Variants in CEMIP2 observed in about 807,000 individuals in gnomAD.
The protein encoded by CEMIP2 is cell migration inducing hyaluronidase 2, also known as cell surface hyaluronidase CEMIP2.
CEMIP2 carries 79 observed loss-of-function variants against 146.9 expected under a neutral mutation model. The observed-to-expected ratio is 0.54, with a 90% CI of 0.45 to 0.65. The LOEUF (loss-of-function observed/expected upper bound fraction) is 0.65. Among genes scored for constraint, CEMIP2 ranks in the 30% least tolerant of loss-of-function variants. The probability of loss-of-function intolerance (pLI) is 0.00; values close to 1 mark genes in which losing one functional copy is unlikely to be tolerated. For missense variants in CEMIP2, 1,596 were observed against 1,696.2 expected (o/e 0.94, Z 1.04); for synonymous variants, 601 against 606.3 (o/e 0.99, Z 0.13).
At chr9:71,709,781 T>G (rs1822853724) in intron 16 of CEMIP2, among the ~76,000 whole-genome samples, 1 of 152,160 alleles carries the variant, frequency 6.6e-6, no homozygotes, top group South Asian at 2.1e-4. Context: ...CAGACAAAAC[T>G]CATTTGTGGG....
rs752127248 is a variant in CEMIP2, at chr9:71,734,828, G to A, written c.1371C>T (p.Ser457=). 1.3e-5 allele frequency: 21 copies of A among 1,609,020 alleles called. 1 individual carries two copies. The South Asian group carries it at 2.3e-4, about 18-fold the overall frequency. The change falls in exon 6 of 24, where the codon AGC becomes AGT. Residue 457 remains serine (S), a synonymous_variant. Transcript: ENST00000377044. ...TACCTTTGACTTTGACCTGAAAATG[G>A]CTGCATTCAGAACAGGGAAGAAGAG... The part of the protein sequence containing the change: ...EFTLLPCSEC[S]HFQVKVKETP...
At chr9:71,705,500 T>C (rs952361838) in intron 17 of CEMIP2, among the ~76,000 whole-genome samples, 1 of 152,126 alleles carries the variant, frequency 6.6e-6, no homozygotes, top group Non-Finnish European at 1.5e-5. Flanking sequence ...CTCCAGAATA[T>C]TAAAGCAGCA....
At chr9:71,697,916 T>C (rs1034224158) in intron 20 of CEMIP2, 69 bp downstream of exon 20, 12 of 1,470,958 alleles carry the variant, frequency 8.2e-6, no homozygotes, top group African/African-American at 1.4e-5. Flanking sequence ...CAAAGAAAAG[T>C]GCTCCTATTG....
intron 19 of CEMIP2, 98 bp downstream of exon 19, chr9:71,700,544 C>T: frequency 2.4e-6 from 3 of 1,246,586 alleles, no homozygotes; most frequent in Non-Finnish European, 3.4e-6. Context: ...TTACCCACAT[C>T]AGCTGCTTCA....
chr9:71,725,507 T>G (rs1823356449), intron 11 of CEMIP2, 74 bp downstream of exon 11: 7 of 1,484,630 alleles, frequency 4.7e-6, no homozygotes, highest in Non-Finnish European at 5.5e-6. Context: ...CAAAGTGGAC[T>G]AAAATATAAT....
At chr9:71,754,473 T>C (rs888866765) in intron 1 of CEMIP2, among the ~76,000 whole-genome samples, 7 of 152,212 alleles carry the variant, frequency 4.6e-5, no homozygotes, top group African/African-American at 1.7e-4. Flanking sequence ...ACTCAGTTTG[T>C]ATCACATGTT....
At chr9:71,755,236 C>G (rs565776363) in intron 1 of CEMIP2, among the ~76,000 whole-genome samples, 1 of 141,608 alleles carries the variant, frequency 7.1e-6, no homozygotes, top group Non-Finnish European at 1.5e-5. Context: ...TTTGGCCAAG[C>G]AAGGTGGCTC....
intron 1 of CEMIP2, among the ~76,000 whole-genome samples, chr9:71,753,107 C>T (rs568879579): frequency 4.7e-4 from 71 of 152,284 alleles, no homozygotes; most frequent in African/African-American, 1.7e-3. Context: ...ATGATCCTCT[C>T]TGAACAAAGA....
intron 22 of CEMIP2, chr9:71,686,650 G>A (rs138639897): frequency 6.6e-6 from 1 of 152,126 alleles, no homozygotes; most frequent in African/African-American, 2.4e-5. Context: ...ATAGTCTATT[G>A]TTGTTGTTGT....
chr9:71,725,420 A>G (rs1564010525), intron 11 of CEMIP2, among the ~76,000 whole-genome samples, 161 bp downstream of exon 11: 1 of 152,206 alleles, frequency 6.6e-6, no homozygotes, highest in African/African-American at 2.4e-5. Context: ...TGGACTTCCC[A>G]GCCTTCAGAA....
chr9:71,740,973 C>T (rs1823896495), intron 4 of CEMIP2, among the ~76,000 whole-genome samples: 1 of 152,106 alleles, frequency 6.6e-6, no homozygotes, highest in Non-Finnish European at 1.5e-5. Flanking sequence ...CAGGTTACCA[C>T]ATTATGTTAA....
At chr9:71,688,768 C>A (rs550675261) in intron 22 of CEMIP2, among the ~76,000 whole-genome samples, 1 of 152,250 alleles carries the variant, frequency 6.6e-6, no homozygotes, top group South Asian at 2.1e-4. Flanking sequence ...GCAGACCTGA[C>A]CTTCTTCAAT....
In CEMIP2 at chr9:71,712,188, A is replaced by G. The variant is rs746676185; in HGVS notation, c.2664T>C (p.Tyr888=). Reference sequence around the variant, plus strand: ...TGCTGTACCTATCTGGAGTTGGCACATATTTTTTGAAAGTGCTCCTTGTGA... The same window carrying G: ...TGCTGTACCTATCTGGAGTTGGCACGTATTTTTTGAAAGTGCTCCTTGTGA... ...IHLTRSTFKK[Y]VPTPDRYSSA... is the part of the protein sequence containing the mutation. The change falls in exon 16 of 24, where the codon TAT becomes TAC. Residue 888 remains tyrosine (Y), a synonymous_variant. Coordinates refer to ENST00000377044, the MANE Select transcript of CEMIP2 (RefSeq NM_013390.3). 1.2e-5 allele frequency: 19 copies of G among 1,614,078 alleles called. No individual in the cohort carries two copies. The highest frequency in any genetic ancestry group is 1.6e-5 in the Non-Finnish European group (19 of 1,180,018).
At chr9:71,752,520 G>A (rs960458735) in intron 1 of CEMIP2, among the ~76,000 whole-genome samples, 1 of 151,400 alleles carries the variant, frequency 6.6e-6, no homozygotes, top group African/African-American at 2.4e-5. Context: ...GGAAGGGGAA[G>A]TGGAAGAGTT....
Position 71,694,605 on chromosome 9 carries a change from C to T in CEMIP2, c.3600G>A (p.Val1200=). ...TTTTATGAGGATCACTAGTAAACAC[C>T]ACCTAGACAGAGAAGAAGTTCCATA... is the stretch of plus-strand genomic sequence containing the variant. The part of the protein sequence containing the change: ...GLCQGCGTRQ[V]VFTSDPHKSY... Residue 1200 remains valine, a splice_region_variant and synonymous_variant, in exon 21 of 24, where the codon GTG becomes GTA. Transcript: ENST00000377044. 3.1e-6 allele frequency: 5 copies of T among 1,607,752 alleles called. No homozygotes were observed. Among genetic ancestry groups the T allele is most frequent in the Non-Finnish European group, 4.3e-6 (5 of 1,174,442 alleles).
At chr9:71,711,257 T>C (rs1564003687) in intron 16 of CEMIP2, among the ~76,000 whole-genome samples, 1 of 152,088 alleles carries the variant, frequency 6.6e-6, no homozygotes, top group Non-Finnish European at 1.5e-5. Flanking sequence ...TCCAACAGTT[T>C]ATATCAGAAA....
chr9:71,690,575 G>T (rs942687254), intron 21 of CEMIP2, among the ~76,000 whole-genome samples: 1 of 152,136 alleles, frequency 6.6e-6, no homozygotes, highest in Admixed American at 6.5e-5. Flanking sequence ...TCTCACTGGG[G>T]TCAAAGCTTT....
intron 21 of CEMIP2, among the ~76,000 whole-genome samples, chr9:71,694,115 ATTTATTTAT>A (rs1563994331): frequency 4.0e-5 from 6 of 148,174 alleles, no homozygotes; most frequent in South Asian, 2.1e-4. Flanking sequence ...TTATTTATTT[ATTTATTTAT>A]TTATTTATTT....
chr9:71,731,012 A>C, intron 7 of CEMIP2, 98 bp from the exon 8 acceptor site: 2 of 918,778 alleles, frequency 2.2e-6, no homozygotes, highest in Non-Finnish European at 3.3e-6. Context: ...GAGAATACTT[A>C]TTAAAACATT....
Sources: allele counts gnomAD v4.1 joint callset (sites outside exome capture counted in the v4.1 genomes callset), GRCh38; gene constraint gnomAD v4.1.1; transcripts MANE v1.5; gene names NCBI Gene and HGNC (gene_info 2026-07-23, HGNC 2026-07-21).